Variants in NAALADL2 observed in about 807,000 individuals in gnomAD.
NAALADL2 encodes the protein inactive N-acetylated-alpha-linked acidic dipeptidase-like protein 2.
NAALADL2 carries 76 observed loss-of-function variants against 87.2 expected under a neutral mutation model. That is an observed-to-expected ratio of 0.87 (90% CI 0.72 to 1.05). The LOEUF (loss-of-function observed/expected upper bound fraction) is 1.05, where lower values mean the gene tolerates loss of function less well. Ranked by LOEUF, NAALADL2 falls within the 50% of genes least tolerant of loss-of-function variation. The pLI is 0.00. For synonymous variants in NAALADL2, 354 were observed against 331.0 expected (o/e 1.07, Z -0.75); for missense variants, 1,089 against 945.8 (o/e 1.15, Z -1.99).
At chr3:175,699,389 G>A (rs1391820712) in intron 11 of NAALADL2, among the ~76,000 whole-genome samples, 2 of 151,986 alleles carry the variant, frequency 1.3e-5, no homozygotes, top group Non-Finnish European at 2.9e-5. Context: ...TTCTTGAGTA[G>A]TCCTCTGTCT....
At chr3:174,735,075 T>G (rs1470100398) in intron 2 of NAALADL2, among the ~76,000 whole-genome samples, 1 of 152,144 alleles carries the variant, frequency 6.6e-6, no homozygotes, top group East Asian at 1.9e-4. Flanking sequence ...ACTTTATAGC[T>G]TTCAAGTATC....
intron 11 of NAALADL2, among the ~76,000 whole-genome samples, chr3:175,667,743 G>GT (rs58514374): frequency 0.042 from 5,039 of 120,002 alleles, 101 homozygotes; most frequent in East Asian, 0.057. Context: ...GTTTTTTGCT[G>GT]TTTTTTTTTT....
At chr3:174,567,804 T>C (rs1188482703) in intron 2 of NAALADL2, among the ~76,000 whole-genome samples, 3 of 151,698 alleles carry the variant, frequency 2.0e-5, no homozygotes, top group Admixed American at 1.3e-4. Flanking sequence ...TGGTACCCAG[T>C]AGTCTCCCAA....
In NAALADL2 at chr3:175,191,290, G is replaced by A. The variant is rs6801109; in HGVS notation, c.546-42641G>A. Among the ~76,000 whole-genome samples the A allele has an allele frequency of 2.5e-3, 374 of 152,136 alleles. 3 individuals are homozygous for A. Among genetic ancestry groups the A allele is most frequent in the African/African-American group, 8.7e-3 (359 of 41,480 alleles). On this transcript the variant is annotated intron_variant, in intron 2 of 13. Transcript: ENST00000454872. ...ATCCCAAATATTATAGCCAATTCAG[G>A]CACATTCAAATAGTTGAGGCAATAA... is the stretch of plus-strand genomic sequence containing the variant.
At chr3:174,665,889 T>C (rs505308) in intron 2 of NAALADL2, among the ~76,000 whole-genome samples, 98,128 of 152,006 alleles carry the variant, frequency 0.65, 32,342 homozygotes, top group Admixed American at 0.73. Flanking sequence ...ATATGCATTA[T>C]CCTATTCTCT....
chr3:174,504,139 A>G (rs1255190359), intron 1 of NAALADL2, among the ~76,000 whole-genome samples: 1 of 152,188 alleles, frequency 6.6e-6, no homozygotes, highest in Non-Finnish European at 1.5e-5. Flanking sequence ...CTGTCAGTTT[A>G]TATATTTTGC....
intron 1 of NAALADL2, among the ~76,000 whole-genome samples, chr3:175,043,426 A>G (rs1754315181): frequency 1.3e-5 from 2 of 152,140 alleles, no homozygotes; most frequent in East Asian, 3.9e-4. Flanking sequence ...TTTAGTAGAG[A>G]TGGGATTTTA....
chr3:175,108,743 C>G (rs975922923), intron 2 of NAALADL2, among the ~76,000 whole-genome samples: 2 of 151,906 alleles, frequency 1.3e-5, no homozygotes, highest in African/African-American at 4.8e-5. Flanking sequence ...TTAGGCTTAT[C>G]TGAAAGGTAT....
chr3:174,870,386 A>G (rs1727671751), intron 1 of NAALADL2, among the ~76,000 whole-genome samples: 1 of 152,120 alleles, frequency 6.6e-6, no homozygotes, highest in African/African-American at 2.4e-5. Flanking sequence ...ATCCATATAT[A>G]CCACTGACCA....
At chr3:175,366,575 A>G (rs1765602681) in intron 5 of NAALADL2, among the ~76,000 whole-genome samples, 1 of 151,640 alleles carries the variant, frequency 6.6e-6, no homozygotes, top group African/African-American at 2.4e-5. Context: ...ATGGTATCCC[A>G]TTGTGGTTTT....
At chr3:175,609,589 T>G (rs1385363546) in intron 10 of NAALADL2, 1 of 152,164 alleles carries the variant, frequency 6.6e-6, no homozygotes, top group Non-Finnish European at 1.5e-5. Flanking sequence ...TTTGTGACTG[T>G]GTATGTAATT....
At chr3:175,778,566 A>G (rs945146607) in intron 13 of NAALADL2, among the ~76,000 whole-genome samples, 8 of 152,212 alleles carry the variant, frequency 5.3e-5, no homozygotes, top group African/African-American at 1.9e-4. Flanking sequence ...TCCCCAAGGA[A>G]GCAAAATGCA....
chr3:175,079,629 C>G (rs7641655), intron 1 of NAALADL2, among the ~76,000 whole-genome samples: 5,693 of 152,208 alleles, frequency 0.037, 350 homozygotes, highest in African/African-American at 0.13. Flanking sequence ...ACATAAACAA[C>G]TCCATATCAA....
chr3:175,460,067 T>C, intron 6 of NAALADL2: 1 of 439,432 alleles, frequency 2.3e-6, no homozygotes, highest in South Asian at 1.6e-5. Flanking sequence ...AGAGTTGAAT[T>C]ATTCTTGTAG....
At chr3:175,158,755 A>G (rs1464558833) in intron 2 of NAALADL2, among the ~76,000 whole-genome samples, 1 of 152,112 alleles carries the variant, frequency 6.6e-6, no homozygotes, top group Non-Finnish European at 1.5e-5. Flanking sequence ...GAGAATTTCT[A>G]ATTGAAAATT....
At chr3:175,360,145 A>G (rs2862044) in intron 5 of NAALADL2, among the ~76,000 whole-genome samples, 15,884 of 152,130 alleles carry the variant, frequency 0.1, 976 homozygotes, top group South Asian at 0.14. Context: ...ATTTAGTGTT[A>G]TTGCTTGTAT....
At chr3:175,568,169 G>A (rs1361563523) in intron 9 of NAALADL2, among the ~76,000 whole-genome samples, 3 of 150,118 alleles carry the variant, frequency 2.0e-5, no homozygotes, top group Admixed American at 6.6e-5. Context: ...CTCATTAGAT[G>A]TCGGCATTTA....
intron 4 of NAALADL2, among the ~76,000 whole-genome samples, chr3:175,263,701 CA>C (rs1211708724): frequency 1.3e-5 from 2 of 150,762 alleles, no homozygotes; most frequent in African/African-American, 2.4e-5. Context: ...ATAAATTAAA[CA>C]AAGTAAAATA....
chr3:174,736,262 C>T (rs544559833), intron 2 of NAALADL2, among the ~76,000 whole-genome samples: 1 of 152,178 alleles, frequency 6.6e-6, no homozygotes, highest in East Asian at 1.9e-4. Flanking sequence ...ATGTTTCGGC[C>T]CTGTTAGTGT....
Sources: allele counts gnomAD v4.1 joint callset (sites outside exome capture counted in the v4.1 genomes callset), GRCh38; gene constraint gnomAD v4.1.1; transcripts MANE v1.5; gene names NCBI Gene and HGNC (gene_info 2026-07-23, HGNC 2026-07-21).